The following HCRTR1 variants were observed in gnomAD, a reference collection of about 807,000 sequenced individuals.
HCRTR1 encodes hypocretin receptor 1.
In HCRTR1, 28 loss-of-function variants were observed where a neutral mutation model predicts 40.6. The ratio of observed to expected loss-of-function variants is 0.69; its 90% CI spans 0.51 to 0.95. HCRTR1 has a LOEUF of 0.95. HCRTR1 is among the 40% of genes least tolerant of loss of function. The probability of loss-of-function intolerance (pLI) is 0.00; values close to 1 mark genes in which losing one functional copy is unlikely to be tolerated. For missense variants in HCRTR1, 482 were observed against 564.7 expected (o/e 0.85, Z 1.48); for synonymous variants, 209 against 230.0 (o/e 0.91, Z 0.83).
downstream of HCRTR1, among the ~76,000 whole-genome samples, chr1:31,628,058 C>A (rs1640014636): frequency 6.6e-6 from 1 of 152,134 alleles, no homozygotes; most frequent in African/African-American, 2.4e-5. Flanking sequence ...GCCAAAGGCC[C>A]TGAGCCTTGT....
chr1:31,633,449 C>CAG, downstream of HCRTR1: 1 of 967,338 alleles, frequency 1.0e-6, no homozygotes, highest in Non-Finnish European at 1.5e-6. Context: ...AGCTGACATT[C>CAG]TTACTCTGAT....
Position 31,619,332 on chromosome 1 carries a change from G to A in HCRTR1, c.140G>A (p.Trp47Ter). Residue 47 changes from tryptophan to a stop codon, truncating the protein, a stop_gained, in exon 3 of 9, where the codon TGG becomes TAG. Coordinates refer to ENST00000403528, the MANE Select transcript of HCRTR1 (RefSeq NM_001525.3). LOFTEE classifies it high-confidence loss of function. Reference sequence around the variant, plus strand: ...TATCTGTACCCAAAACAGTATGAGTGGGTCCTCATCGCAGCCTATGTGGCT... The same window carrying A: ...TATCTGTACCCAAAACAGTATGAGTAGGTCCTCATCGCAGCCTATGTGGCT... Reference protein sequence around the residue: ...RDYLYPKQYEWVLIAAYVAVF... With the variant: ...RDYLYPKQYE 1.2e-6 allele frequency: 2 copies of A among 1,614,196 alleles called. No individual in the cohort carries two copies. The highest frequency in any genetic ancestry group is 1.7e-6 in the Non-Finnish European group (2 of 1,180,010).
At position 31,618,797 on chromosome 1, in the gene HCRTR1, C is replaced by G. The variant is rs1391247614; in HGVS notation, c.-162C>G. The G allele has an allele frequency of 4.5e-6, 1 of 221,046 alleles. No homozygotes were observed. The highest frequency in any genetic ancestry group is 2.3e-5 in the African/African-American group (1 of 43,376). 13.7% of individuals were successfully genotyped at this position (221,046 alleles called of 1,614,324 possible). A position where few individuals can be genotyped will look rare whatever the true frequency, so the allele number is the denominator to read the frequency against. On this transcript the variant is annotated 5_prime_UTR_variant, in exon 2 of 9. Transcript: ENST00000403528. ...TTGGCACGCATCGGAGCTCATTACT[C>G]CTCATCGTGGTCCTGTAAGGTATGT... is the stretch of plus-strand genomic sequence containing the variant.
At chr1:31,629,685 C>A (rs1264219891), downstream of HCRTR1, among the ~76,000 whole-genome samples, 2 of 152,120 alleles carry the variant, frequency 1.3e-5, no homozygotes, top group Non-Finnish European at 2.9e-5. Flanking sequence ...CCGGCAGGCC[C>A]CTCAGCTGGC....
At chr1:31,630,585 T>C (rs1381768460), downstream of HCRTR1, 1 of 1,601,558 alleles carries the variant, frequency 6.2e-7, no homozygotes, top group Admixed American at 1.7e-5. Flanking sequence ...AGGTCCCTGG[T>C]GCACTCCACT....
At position 31,620,852 on chromosome 1, in the gene HCRTR1, G is replaced by A. The variant is rs199934518; in HGVS notation, c.388G>A (p.Val130Met). The A allele has an allele frequency of 2.4e-5, 39 of 1,613,590 alleles. No homozygotes were observed. Among genetic ancestry groups the A allele is most frequent in the Non-Finnish European group, 2.9e-5 (34 of 1,179,844 alleles). ...TGTCCCCGTGGGGCAGGCTGTGTCC[G>A]TGTCAGTGGCAGTGCTAACTCTCAG... ...KVIPYLQAVS[V>M]SVAVLTLSFI... Residue 130 changes from valine (V) to methionine (M), a missense_variant, in exon 5 of 9, where the codon GTG (valine) becomes ATG (methionine). Transcript: ENST00000403528.
downstream of HCRTR1, among the ~76,000 whole-genome samples, chr1:31,633,605 T>C (rs1640175692): frequency 6.6e-6 from 1 of 152,194 alleles, no homozygotes; most frequent in Non-Finnish European, 1.5e-5. Flanking sequence ...CCCTGTAGCA[T>C]TTCAAGAATT....
At chr1:31,623,841 T>C in intron 7 of HCRTR1, 92 bp downstream of exon 7, 1 of 894,316 alleles carries the variant, frequency 1.1e-6, no homozygotes, top group Non-Finnish European at 1.7e-6. Context: ...CTCCACCCCT[T>C]CTCCACTATG....
downstream of HCRTR1, among the ~76,000 whole-genome samples, chr1:31,634,140 A>G (rs1640193643): frequency 6.6e-6 from 1 of 152,214 alleles, no homozygotes; most frequent in Non-Finnish European, 1.5e-5. Flanking sequence ...GGAAAAAGGT[A>G]TGCCTGACTT....
At chr1:31,629,935 C>T (rs893981895), downstream of HCRTR1, 1 of 152,092 alleles carries the variant, frequency 6.6e-6, no homozygotes, top group Non-Finnish European at 1.5e-5. Flanking sequence ...AAAAAAAATG[C>T]AAATTAAAAA....
downstream of HCRTR1, among the ~76,000 whole-genome samples, chr1:31,633,879 C>T (rs568504273): frequency 9.3e-5 from 14 of 151,142 alleles, no homozygotes; most frequent in Admixed American, 4.6e-4. Flanking sequence ...CGCTTGAACC[C>T]GGGAGGTGGA....
intron 6 of HCRTR1, 28 bp from the exon 7 acceptor site, chr1:31,623,495 C>A (rs201838000): frequency 6.3e-7 from 1 of 1,590,562 alleles, no homozygotes; most frequent in East Asian, 2.2e-5. Context: ...CTGTACCCAC[C>A]ACTGCTGTCT....
chr1:31,620,939 C>T lies in HCRTR1; in HGVS notation c.475C>T (p.Arg159Trp), dbSNP rs751652807. ...CHPLLFKSTA[R>W]RARGSILGIW... ...CCCACTATTGTTCAAGAGCACAGCC[C>T]GGCGGGCCCGTGGCTCCATCCTGGG... The change falls in exon 5 of 9, where the codon CGG (arginine) becomes TGG (tryptophan). Residue 159 changes from arginine to tryptophan, a missense_variant. Physicochemically the swap from Arg to Trp is moderately radical, Grantham distance 101. Transcript: ENST00000403528. 4.3e-6 allele frequency: 7 copies of T among 1,613,990 alleles called. No individual in the cohort carries two copies. Among genetic ancestry groups the T allele is most frequent in the South Asian group, 3.3e-5 (3 of 91,092 alleles).
intron 1 of HCRTR1, chr1:31,618,140 C>G (rs1249885690): frequency 2.0e-5 from 3 of 152,538 alleles, no homozygotes; most frequent in Non-Finnish European, 4.4e-5. Context: ...TGAAGGCGTC[C>G]CCTCCCCTTC....
rs1404351736 is a variant in HCRTR1 at position 31,621,553 on chromosome 1, G to C, written c.699G>C (p.Met233Ile). Residue 233 changes from methionine to isoleucine, a missense_variant, in exon 6 of 9, where the codon ATG (methionine) becomes ATC (isoleucine). Physicochemically the swap from Met to Ile is conservative, Grantham distance 10. Coordinates refer to ENST00000403528, the MANE Select transcript of HCRTR1 (RefSeq NM_001525.3). ...TYLAPLGLMA[M>I]AYFQIFRKLW... ...TGGCCCCACTGGGCCTCATGGCCATGGCCTATTTCCAGATATTCCGCAAGC... is the reference window on the plus strand; with the variant it reads ...TGGCCCCACTGGGCCTCATGGCCATCGCCTATTTCCAGATATTCCGCAAGC... 3 of 1,613,862 alleles carry C rather than the reference G, an allele frequency of 1.9e-6. No homozygotes were observed. The Admixed American group carries it at 5.0e-5, about 27-fold the overall frequency.
chr1:31,630,775 T>G, downstream of HCRTR1: 1 of 1,613,910 alleles, frequency 6.2e-7, no homozygotes, highest in Non-Finnish European at 8.5e-7. Context: ...TGGCAGAGCG[T>G]GGGCAGTAGC....
intron 7 of HCRTR1, 85 bp downstream of exon 7, chr1:31,623,834 C>A: frequency 2.1e-6 from 2 of 950,720 alleles, no homozygotes; most frequent in Non-Finnish European, 3.2e-6. Context: ...GACCTGGCTC[C>A]ACCCCTTCTC....
downstream of HCRTR1, chr1:31,630,346 G>A (rs775845633): frequency 2.1e-6 from 1 of 486,160 alleles, no homozygotes; most frequent in Non-Finnish European, 3.8e-6. Context: ...GTGCCAGGCT[G>A]TGCCACTCAA....
At chr1:31,629,100 C>A (rs1036056606), downstream of HCRTR1, among the ~76,000 whole-genome samples, 2 of 152,180 alleles carry the variant, frequency 1.3e-5, no homozygotes, top group South Asian at 2.1e-4. Flanking sequence ...GGACTATGAA[C>A]GGAATTTTAG....
Sources: gnomAD v4.1 joint callset for allele counts (sites outside exome capture counted in the v4.1 genomes callset) on GRCh38, gnomAD v4.1.1 for gene constraint, MANE v1.5 for transcripts, NCBI Gene and HGNC (gene_info 2026-07-23, HGNC 2026-07-21) for gene names.